Variants in OR56B2 observed in about 807,000 individuals in gnomAD.
The protein encoded by OR56B2 is olfactory receptor family 56 subfamily B member 2.
At chr11:5,766,309 C>A in the OR56B2 span, 4 of 140,324 alleles carry the variant, frequency 2.9e-5, 1 homozygote, top group African/African-American at 1.0e-4. Flanking sequence ...ATGTAATCTA[C>A]ATTTCATGTT....
the OR56B2 span, chr11:5,766,123 C>A: frequency 1.4e-5 from 2 of 138,648 alleles, 1 homozygote; most frequent in South Asian, 4.7e-4. Context: ...TATTCTCCAA[C>A]TGCTGCAAAT....
chr11:5,765,525 A>G, the OR56B2 span: 1 of 140,422 alleles, frequency 7.1e-6, no homozygotes, highest in East Asian at 2.1e-4. Flanking sequence ...TCCATCAATC[A>G]TCACTGAATC....
the OR56B2 span, chr11:5,765,460 C>A: frequency 1.4e-5 from 2 of 140,726 alleles, no homozygotes; most frequent in South Asian, 2.3e-4. Flanking sequence ...GAATCAAGTA[C>A]CTTTGTCTGC....
chr11:5,762,475 C>G, the OR56B2 span, among the ~76,000 whole-genome samples: 4 of 152,010 alleles, frequency 2.6e-5, no homozygotes, highest in Non-Finnish European at 5.9e-5. Context: ...TTACCCAAAG[C>G]ATCACTGATA....
chr11:5,762,152 T>C, the OR56B2 span, among the ~76,000 whole-genome samples: 27 of 152,232 alleles, frequency 1.8e-4, 1 homozygote, highest in Middle Eastern at 6.8e-3. Flanking sequence ...TCTTAAATTT[T>C]CCTGGTATTT....
chr11:5,763,818 G>A, the OR56B2 span, among the ~76,000 whole-genome samples: 2 of 139,590 alleles, frequency 1.4e-5, no homozygotes, highest in African/African-American at 5.3e-5. Flanking sequence ...TGGGAGATAC[G>A]TATATCAACT....
the OR56B2 span, among the ~76,000 whole-genome samples, chr11:5,762,381 G>A: frequency 6.6e-6 from 1 of 151,958 alleles, no homozygotes; most frequent in Non-Finnish European, 1.5e-5. Context: ...CTAAATATAT[G>A]AATGTCATTT....
At chr11:5,767,940 T>C in the OR56B2 span, among the ~76,000 whole-genome samples, 1 of 139,658 alleles carries the variant, frequency 7.2e-6, no homozygotes, top group Non-Finnish European at 1.6e-5. Flanking sequence ...TAACTAATAG[T>C]TATGAAGTTT....
At chr11:5,763,264 C>CA in the OR56B2 span, among the ~76,000 whole-genome samples, 1 of 152,030 alleles carries the variant, frequency 6.6e-6, no homozygotes, top group African/African-American at 2.4e-5. Context: ...TTGATTGTTT[C>CA]AACATGATTC....
chr11:5,767,085 G>C, the OR56B2 span: 1 of 139,238 alleles, frequency 7.2e-6, no homozygotes, highest in Non-Finnish European at 1.6e-5. Context: ...GTACTTCAAG[G>C]ACATGTCCCT....
chr11:5,762,313 T>C, the OR56B2 span, among the ~76,000 whole-genome samples: 2 of 152,112 alleles, frequency 1.3e-5, no homozygotes, highest in Admixed American at 6.6e-5. Flanking sequence ...CTGGAGGCCA[T>C]GTCCAATACT....
chr11:5,767,545 C>T, the OR56B2 span: 4 of 139,354 alleles, frequency 2.9e-5, 1 homozygote, highest in Admixed American at 3.0e-4. Flanking sequence ...AATTATTTTG[C>T]TGTCTCTATC....
chr11:5,767,221 A>T, the OR56B2 span: 34,210 of 137,480 alleles, frequency 0.25, 8,691 homozygotes, highest in East Asian at 0.31. Context: ...CTGTCATGAC[A>T]AATCCATCTC....
chr11:5,761,563 T>C, the OR56B2 span, among the ~76,000 whole-genome samples: 1 of 152,320 alleles, frequency 6.6e-6, no homozygotes, highest in South Asian at 2.1e-4. Flanking sequence ...ATTAGATACT[T>C]TGGAGCTTTG....
At chr11:5,762,179 A>G in the OR56B2 span, among the ~76,000 whole-genome samples, 1 of 151,306 alleles carries the variant, frequency 6.6e-6, no homozygotes, top group African/African-American at 2.4e-5. Context: ...AGATCATTGT[A>G]TTTTCTAAGA....
At chr11:5,763,860 T>A in the OR56B2 span, among the ~76,000 whole-genome samples, 10 of 140,126 alleles carry the variant, frequency 7.1e-5, 3 homozygotes, top group African/African-American at 2.6e-4. Flanking sequence ...ATATTTTTCC[T>A]TCTTTGGGCA....
chr11:5,766,810 G>C, the OR56B2 span: 2 of 139,614 alleles, frequency 1.4e-5, 1 homozygote, highest in African/African-American at 5.2e-5. Flanking sequence ...AGTGGCTGTG[G>C]AAGAGTTTGG....
chr11:5,763,300 T>A, the OR56B2 span, among the ~76,000 whole-genome samples: 1 of 106,550 alleles, frequency 9.4e-6, no homozygotes, highest in African/African-American at 3.2e-5. Context: ...TCTCCTTCCA[T>A]TACATTATAT....
At chr11:5,763,408 G>A in the OR56B2 span, among the ~76,000 whole-genome samples, 1 of 96,508 alleles carries the variant, frequency 1.0e-5, no homozygotes, top group African/African-American at 3.7e-5. Context: ...CCGCCTCCTG[G>A]GTTTAAGCAA....
Sources: gnomAD v4.1 joint callset for allele counts (sites outside exome capture counted in the v4.1 genomes callset) on GRCh38, gnomAD v4.1.1 for gene constraint, MANE v1.5 for transcripts, NCBI Gene and HGNC (gene_info 2026-07-23, HGNC 2026-07-21) for gene names.